Variants in KNL1 observed in about 807,000 individuals in gnomAD.
KNL1 encodes the protein kinetochore scaffold 1.
Under a neutral mutation model 201.3 loss-of-function variants are expected in KNL1, and 66 were observed. The observed-to-expected ratio is 0.33, with a 90% CI of 0.27 to 0.40. KNL1 has a LOEUF of 0.40. Among genes scored for constraint, KNL1 ranks in the 10% least tolerant of loss-of-function variants. The pLI is 1.00. For synonymous variants in KNL1, 895 were observed against 899.2 expected, an observed-to-expected ratio of 1.00 and a Z score of 0.08; for missense variants, 2,815 against 2,690.5, an observed-to-expected ratio of 1.05 and a Z score of -1.02.
Position 40,603,451 on chromosome 15 carries a change from G to A in KNL1, c.35+485G>A, listed in dbSNP as rs1048826773. 2.0e-5 allele frequency among the ~76,000 whole-genome samples: 3 copies of A among 152,158 alleles called. No individual in the cohort carries two copies. The East Asian group carries it at 5.8e-4, about 29-fold the overall frequency. On this transcript the variant is annotated intron_variant, in intron 2 of 25. Transcript: ENST00000399668. ...AAGAAGTAGATGTTACAGACTCATA[G>A]CTTTCCTTGCCATTGCCATAACTTT...
chr15:40,601,755 G>A (rs1891798717), intron 1 of KNL1, among the ~76,000 whole-genome samples: 1 of 149,388 alleles, frequency 6.7e-6, no homozygotes, highest in Admixed American at 6.6e-5. Flanking sequence ...GTGAACCCGG[G>A]AGGCGGAGCT....
At chr15:40,616,704 A>T (rs569139461) in intron 8 of KNL1, among the ~76,000 whole-genome samples, 1 of 152,040 alleles carries the variant, frequency 6.6e-6, no homozygotes, top group Non-Finnish European at 1.5e-5. Context: ...TCCATTCTCC[A>T]TATTTCTAAA....
At position 40,622,392 on chromosome 15, in the gene KNL1, A is replaced by G. The variant is rs1456890902; in HGVS notation, c.2128A>G (p.Met710Val). ...ATTATTTTCATCAGGACAGTTCTCT[A>G]TGAAAAATCATGATACTGCTATAAG... is the stretch of plus-strand genomic sequence containing the variant. ...KPLFSSGQFS[M>V]KNHDTAISSH... is the part of the protein sequence containing the mutation. Residue 710 changes from methionine to valine, a missense_variant, in exon 10 of 26, where the codon ATG becomes GTG. By Grantham distance (21) the Met-to-Val change is conservative. Transcript: ENST00000399668. The G allele has an allele frequency of 3.7e-6, 6 of 1,613,826 alleles. No homozygotes were observed. The highest frequency in any genetic ancestry group is 5.1e-6 in the Non-Finnish European group (6 of 1,179,808).
intron 13 of KNL1, among the ~76,000 whole-genome samples, chr15:40,636,520 A>C (rs1423904758): frequency 6.6e-6 from 1 of 152,146 alleles, no homozygotes; most frequent in African/African-American, 2.4e-5. Flanking sequence ...TGTGTCTGTC[A>C]CCCAACTTCA....
chr15:40,627,533 T>TA (rs902611565), intron 10 of KNL1, among the ~76,000 whole-genome samples: 14 of 149,610 alleles, frequency 9.4e-5, no homozygotes, highest in African/African-American at 3.5e-4. Context: ...AAAAAAAACT[T>TA]ACCAAAAGCA....
intron 24 of KNL1, among the ~76,000 whole-genome samples, chr15:40,658,905 G>C (rs1893819804): frequency 6.7e-6 from 1 of 150,294 alleles, no homozygotes; most frequent in South Asian, 2.1e-4. Flanking sequence ...ACTCCAGCCT[G>C]GGTGACAGAG....
chr15:40,644,911 T>TTAC, intron 14 of KNL1, 86 bp from the exon 15 acceptor site: 1 of 764,318 alleles, frequency 1.3e-6, no homozygotes, highest in East Asian at 2.7e-5. Context: ...ATGGAGTCTC[T>TTAC]TACGTCTTTC....
In KNL1 at chr15:40,645,038, A is replaced by T. The variant is rs1379237306; in HGVS notation, c.5840A>T (p.Asp1947Val). 6.2e-7 allele frequency: 1 copy of T among 1,612,442 alleles called. No homozygotes were observed. Among genetic ancestry groups the T allele is most frequent in the Non-Finnish European group, 8.5e-7 (1 of 1,179,138 alleles). Residue 1947 changes from aspartate to valine, a missense_variant, in exon 15 of 26, where the codon GAT becomes GTT. Asp to Val is a radical substitution (Grantham distance 152). This residue lies in a region of KNL1 where 2,464 missense variants were observed against 2,291.7 expected (regional missense o/e 1.08). Transcript: ENST00000399668. ...SASNQDKLLVDINKNLWEKMR... is the reference protein window; with the variant it reads ...SASNQDKLLVVINKNLWEKMR... ...TCGAACCAAGATAAGCTGTTGGTTGATATAAATAAGAACCTGTGGGAAAAA... is the reference window on the plus strand; with the variant it reads ...TCGAACCAAGATAAGCTGTTGGTTGTTATAAATAAGAACCTGTGGGAAAAA...
chr15:40,612,736 C>T (rs1892211448), intron 7 of KNL1, among the ~76,000 whole-genome samples: 1 of 152,058 alleles, frequency 6.6e-6, no homozygotes, highest in Non-Finnish European at 1.5e-5. Context: ...CCAGAATTGT[C>T]TTGGTCTCTT....
Position 40,621,147 on chromosome 15 carries a change from A to G in KNL1, c.883A>G (p.Ile295Val), listed in dbSNP as rs764370467. 7.4e-6 allele frequency: 12 copies of G among 1,613,738 alleles called. No homozygotes were observed. The highest frequency in any genetic ancestry group is 1.0e-5 in the Non-Finnish European group (12 of 1,179,918). The change falls in exon 10 of 26, where the codon ATT becomes GTT. Residue 295 changes from isoleucine (I) to valine (V), a missense_variant. By Grantham distance (29) the Ile-to-Val change is conservative. Transcript: ENST00000399668. ...TCATACAGCCAATATTCAGACATTG[A>G]TTCCCACATCCAGTGAGACCAACTC... is the stretch of plus-strand genomic sequence containing the variant. The part of the protein sequence containing the change: ...QCHTANIQTL[I>V]PTSSETNSRE...
chr15:40,657,289 A>C, intron 23 of KNL1, 66 bp from the exon 24 acceptor site: 1 of 1,085,292 alleles, frequency 9.2e-7, no homozygotes, highest in Non-Finnish European at 1.4e-6. Flanking sequence ...AGTTCTTTGT[A>C]AGTGAGCCAC....
At chr15:40,659,970 G>T (rs1893860498) in intron 25 of KNL1, among the ~76,000 whole-genome samples, 2 of 150,334 alleles carry the variant, frequency 1.3e-5, no homozygotes, top group African/African-American at 2.5e-5. Flanking sequence ...GAGTGCAGTG[G>T]CACGATCTCG....
chr15:40,633,394 C>G (rs1049821058), intron 13 of KNL1, among the ~76,000 whole-genome samples: 2 of 151,610 alleles, frequency 1.3e-5, no homozygotes, highest in Admixed American at 6.6e-5. Flanking sequence ...ACACATTACT[C>G]ACATGTTTGT....
At position 40,647,046 on chromosome 15, in the gene KNL1, C is replaced by T. The variant is rs750588467; in HGVS notation, c.6066C>T (p.Ile2022=). ...AGATGGATAAAATACTTAAGAAGAT[C>T]GATAACTGCCTCACTGAGATGGAAA... ...IDEMDKILKK[I]DNCLTEMETE... is the part of the protein sequence containing the mutation. The change falls in exon 17 of 26, where the codon ATC becomes ATT. Residue 2022 remains isoleucine, a synonymous_variant. Transcript: ENST00000399668. The T allele has an allele frequency of 1.2e-5, 18 of 1,534,082 alleles. No homozygotes were observed. The highest frequency in any genetic ancestry group is 3.4e-5 in the Admixed American group (2 of 59,326).
intron 24 of KNL1, among the ~76,000 whole-genome samples, chr15:40,658,386 G>A (rs560104157): frequency 1.3e-4 from 19 of 151,324 alleles, no homozygotes; most frequent in South Asian, 1.0e-3. Flanking sequence ...AAAATTAGCC[G>A]GGCACGGTGG....
chr15:40,634,303 C>T (rs956750678), intron 13 of KNL1, among the ~76,000 whole-genome samples: 3 of 152,178 alleles, frequency 2.0e-5, no homozygotes, highest in Non-Finnish European at 1.5e-5. Context: ...GACAGGGTTT[C>T]ACCCTTTTGG....
chr15:40,652,569 A>G, intron 21 of KNL1, among the ~76,000 whole-genome samples: 1 of 151,290 alleles, frequency 6.6e-6, no homozygotes, highest in Non-Finnish European at 1.5e-5. Context: ...CAGGAGTTCG[A>G]AACCGGCCTG....
rs1251756063 is a variant in KNL1, at chr15:40,621,144, T to C, written c.880T>C (p.Leu294=). 3 of 1,613,842 alleles carry C rather than the reference T, an allele frequency of 1.9e-6. No homozygotes were observed. Among genetic ancestry groups the C allele is most frequent in the African/African-American group, 2.7e-5 (2 of 75,034 alleles). The stretch of plus-strand genomic sequence containing the variant: ...GTGTCATACAGCCAATATTCAGACA[T>C]TGATTCCCACATCCAGTGAGACCAA... ...TQCHTANIQT[L]IPTSSETNSR... is the part of the protein sequence containing the mutation. The change falls in exon 10 of 26, where the codon TTG becomes CTG. Residue 294 remains leucine (L), a synonymous_variant. Transcript: ENST00000399668.
In KNL1 at chr15:40,645,099, T is replaced by C. The variant is rs372667910; in HGVS notation, c.5889+12T>C. On this transcript the variant is annotated intron_variant, in intron 15 of 25. Transcript: ENST00000399668. ...GCTCTGACAAAGAGGTACTTTTGTC[T>C]CATTTTCTGAATGAGAATCAGTGAA... is the stretch of plus-strand genomic sequence containing the variant. The C allele has an allele frequency of 4.6e-5, 72 of 1,556,528 alleles. No homozygotes were observed. In the African/African-American group the frequency reaches 9.1e-4, roughly 20 times the overall value.
Sources: gnomAD v4.1 joint callset for allele counts (sites outside exome capture counted in the v4.1 genomes callset) on GRCh38, gnomAD v4.1.1 for gene constraint, gnomAD v4.1.1 regional missense constraint, MANE v1.5 for transcripts, NCBI Gene and HGNC (gene_info 2026-07-23, HGNC 2026-07-21) for gene names.